Variants in ACSS3 observed in about 807,000 individuals in gnomAD.
The protein encoded by ACSS3 is acyl-CoA synthetase short-chain family member 3, mitochondrial.
A neutral mutation model predicts 84.2 loss-of-function variants in ACSS3; 64 were observed. The observed-to-expected ratio is 0.76, with a 90% CI of 0.62 to 0.94. ACSS3 has a LOEUF of 0.94. Ranked by LOEUF, ACSS3 falls within the 40% of genes least tolerant of loss-of-function variation. The pLI, the probability that ACSS3 is intolerant of heterozygous loss-of-function variation, is 0.00. For synonymous variants in ACSS3, 317 were observed against 310.1 expected, an observed-to-expected ratio of 1.02 and a Z score of -0.23; for missense variants, 815 against 867.6, an observed-to-expected ratio of 0.94 and a Z score of 0.76.
chr12:81,199,560 G>A, intron 9 of ACSS3, 116 bp downstream of exon 9: 1 of 1,455,864 alleles, frequency 6.9e-7, no homozygotes, highest in South Asian at 1.2e-5. Context: ...CGGGATTCGA[G>A]TGGTTCAGGT....
chr12:81,221,491 G>A (rs948102822), intron 11 of ACSS3, among the ~76,000 whole-genome samples: 3 of 152,008 alleles, frequency 2.0e-5, no homozygotes, highest in African/African-American at 7.2e-5. Flanking sequence ...TTCAGGTAGA[G>A]ATATTTTAAC....
chr12:81,083,355 G>T (rs1246058604), intron 1 of ACSS3, among the ~76,000 whole-genome samples: 1 of 123,766 alleles, frequency 8.1e-6, no homozygotes, highest in African/African-American at 2.7e-5. Flanking sequence ...TTCAGCTTTT[G>T]GTCTTTTTTT....
At chr12:81,104,722 A>T (rs183871625) in intron 1 of ACSS3, 1 of 152,266 alleles carries the variant, frequency 6.6e-6, no homozygotes, top group Admixed American at 6.5e-5. Flanking sequence ...GCCATCCCCC[A>T]GCTGATGTGG....
intron 1 of ACSS3, among the ~76,000 whole-genome samples, chr12:81,102,927 G>C (rs542780280): frequency 6.6e-6 from 1 of 152,114 alleles, no homozygotes. Context: ...GATTAATTCA[G>C]TATTTCCAGA....
chr12:81,192,374 C>T (rs1158306380), intron 8 of ACSS3, among the ~76,000 whole-genome samples: 1 of 152,026 alleles, frequency 6.6e-6, no homozygotes, highest in East Asian at 1.9e-4. Context: ...AGCAAGACTC[C>T]ATCTCAGGAA....
intron 13 of ACSS3, among the ~76,000 whole-genome samples, chr12:81,239,054 A>G (rs2033711474): frequency 6.6e-6 from 1 of 151,868 alleles, no homozygotes; most frequent in Non-Finnish European, 1.5e-5. Flanking sequence ...ATGTTATATT[A>G]TAATTTTCAT....
chr12:81,188,027 AG>A (rs1252022634), intron 8 of ACSS3, among the ~76,000 whole-genome samples: 1 of 152,012 alleles, frequency 6.6e-6, no homozygotes, highest in Non-Finnish European at 1.5e-5. Flanking sequence ...ATACCTCTAA[AG>A]GGAAGTAAAT....
At position 81,095,815 on chromosome 12, in the gene ACSS3, C is replaced by T. The variant is rs560973122; in HGVS notation, c.312-13745C>T. On this transcript the variant is annotated intron_variant, in intron 1 of 15. Transcript: ENST00000548058. ...CTGGCTAGAGATGGTGTGATGGGGCCAGATTCTGAGTATACATACTCATGT... is the reference window on the plus strand; with the variant it reads ...CTGGCTAGAGATGGTGTGATGGGGCTAGATTCTGAGTATACATACTCATGT... Among the ~76,000 whole-genome samples, 7 of 152,236 alleles carry T rather than the reference C, an allele frequency of 4.6e-5. No individual in the cohort carries two copies. The South Asian group carries it at 1.5e-3, about 32-fold the overall frequency.
At chr12:81,243,195 G>A (rs907389373) in intron 13 of ACSS3, among the ~76,000 whole-genome samples, 5 of 151,918 alleles carry the variant, frequency 3.3e-5, no homozygotes, top group African/African-American at 7.3e-5. Context: ...AAAAATCACA[G>A]GCATTCTTAT....
chr12:81,156,481 A>G (rs1241403666), intron 7 of ACSS3, among the ~76,000 whole-genome samples: 3 of 145,944 alleles, frequency 2.1e-5, no homozygotes, highest in Non-Finnish European at 4.5e-5. Context: ...TTGAAAACAT[A>G]AAAACATAGA....
chr12:81,155,799 C>T (rs1886834198), intron 7 of ACSS3, among the ~76,000 whole-genome samples: 1 of 152,136 alleles, frequency 6.6e-6, no homozygotes, highest in South Asian at 2.1e-4. Flanking sequence ...ATTCCAGTTA[C>T]ATATTTCAGG....
rs537676882 is a variant in ACSS3 at position 81,149,493 on chromosome 12, A to G, written c.922-2351A>G. On this transcript the variant is annotated intron_variant, in intron 5 of 15. Transcript: ENST00000548058. ...CTTACAAAACGTGAACCTGGAGAATATGAAACCATGCATTTCTTTTTTCTG... is the reference window on the plus strand; with the variant it reads ...CTTACAAAACGTGAACCTGGAGAATGTGAAACCATGCATTTCTTTTTTCTG... Among the ~76,000 whole-genome samples the G allele has an allele frequency of 2.4e-4, 36 of 152,294 alleles. No individual in the cohort carries two copies. The South Asian group carries it at 4.8e-3, about 20-fold the overall frequency.
At chr12:81,115,937 G>A (rs1344347668) in intron 2 of ACSS3, among the ~76,000 whole-genome samples, 1 of 152,080 alleles carries the variant, frequency 6.6e-6, no homozygotes, top group Non-Finnish European at 1.5e-5. Flanking sequence ...TTATGCAACA[G>A]GAAGCACCAG....
intron 1 of ACSS3, among the ~76,000 whole-genome samples, chr12:81,107,540 A>G: frequency 8.7e-6 from 1 of 114,340 alleles, no homozygotes. Context: ...ATATATATAT[A>G]TATATATATA....
chr12:81,257,760 T>G lies in ACSS3; in HGVS notation c.*2838T>G, dbSNP rs2034359862. ...ATGATCAAAAGTAACGTGTTGAGAC[T>G]CTGAGCTTAATCCATTAAATGGATT... On this transcript the variant is annotated 3_prime_UTR_variant, in exon 16 of 16. Transcript: ENST00000548058. The G allele has an allele frequency of 1.3e-5, 2 of 152,146 alleles. No individual in the cohort carries two copies. Among genetic ancestry groups the G allele is most frequent in the South Asian group, 2.1e-4 (1 of 4,834 alleles). The allele number at this position is 152,146 out of a possible 1,614,324, so 9.4% of individuals were successfully genotyped here. A position where few individuals can be genotyped will look rare whatever the true frequency, so the allele number is the denominator to read the frequency against.
At chr12:81,236,854 C>T (rs916153998) in intron 13 of ACSS3, among the ~76,000 whole-genome samples, 2 of 151,164 alleles carry the variant, frequency 1.3e-5, no homozygotes, top group Admixed American at 1.3e-4. Context: ...TAATATTCAT[C>T]TTTGACAGTT....
chr12:81,259,659 A>G lies in ACSS3; in HGVS notation c.*4737A>G. 6.5e-7 allele frequency: 1 copy of G among 1,534,302 alleles called. No individual in the cohort carries two copies. Among genetic ancestry groups the G allele is most frequent in the Middle Eastern group, 1.7e-4 (1 of 5,978 alleles). The stretch of plus-strand genomic sequence containing the variant: ...AGGTAGAGTAGACTGAAAAGACGCC[A>G]TCTAAAATATACAATGGATAGCATT... On this transcript the variant is annotated 3_prime_UTR_variant, in exon 16 of 16. Transcript: ENST00000548058.
intron 9 of ACSS3, among the ~76,000 whole-genome samples, chr12:81,204,752 G>A (rs1182212185): frequency 6.6e-6 from 1 of 152,178 alleles, no homozygotes; most frequent in African/African-American, 2.4e-5. Context: ...TATTGAAAGT[G>A]TTTCAAGTGT....
chr12:81,203,974 A>G (rs2032227399), intron 9 of ACSS3, among the ~76,000 whole-genome samples: 1 of 152,174 alleles, frequency 6.6e-6, no homozygotes, highest in Non-Finnish European at 1.5e-5. Context: ...AAAATATGGT[A>G]ATCCATGTGC....
Sources: allele counts gnomAD v4.1 joint callset (sites outside exome capture counted in the v4.1 genomes callset), GRCh38; gene constraint gnomAD v4.1.1; transcripts MANE v1.5; gene names NCBI Gene and HGNC (gene_info 2026-07-23, HGNC 2026-07-21).